ITGB6: variants seen among roughly 807,000 people sequenced by gnomAD.
ITGB6 encodes the protein integrin subunit beta 6, also known as integrin beta-6.
A neutral mutation model predicts 84.5 loss-of-function variants in ITGB6; 80 were observed. That is an observed-to-expected ratio of 0.95 (90% CI 0.79 to 1.14). ITGB6 has a LOEUF of 1.14. Among genes scored for constraint, ITGB6 ranks in the 50% most tolerant of loss-of-function variants. The pLI is 0.00. For missense variants in ITGB6, 1,006 were observed against 968.0 expected, an observed-to-expected ratio of 1.04 and a Z score of -0.52; for synonymous variants, 383 against 354.9, an observed-to-expected ratio of 1.08 and a Z score of -0.89.
intron 13 of ITGB6, 53 bp from the exon 14 acceptor site, chr2:160,107,898 C>A (rs949371613): frequency 7.0e-7 from 1 of 1,434,824 alleles, no homozygotes; most frequent in Non-Finnish European, 9.6e-7. Context: ...ATTTTGACAT[C>A]GGAAAGGCAT....
chr2:160,132,866 G>T (rs752015923), intron 10 of ITGB6, among the ~76,000 whole-genome samples: 1 of 151,920 alleles, frequency 6.6e-6, no homozygotes, highest in Non-Finnish European at 1.5e-5. Context: ...AAGATATTCC[G>T]AGTAATTTTC....
intron 10 of ITGB6, among the ~76,000 whole-genome samples, chr2:160,133,278 A>G (rs963015625): frequency 1.3e-5 from 2 of 152,184 alleles, no homozygotes; most frequent in African/African-American, 4.8e-5. Flanking sequence ...CTCTGATAAA[A>G]CAGACTTTAA....
chr2:160,133,779 C>A (rs183455879), intron 10 of ITGB6, among the ~76,000 whole-genome samples: 144 of 152,204 alleles, frequency 9.5e-4, no homozygotes, highest in Non-Finnish European at 1.7e-3. Flanking sequence ...CTACATGGAA[C>A]CTGAACAACC....
intron 6 of ITGB6, among the ~76,000 whole-genome samples, chr2:160,169,841 T>C (rs1271725723): frequency 6.6e-6 from 1 of 152,246 alleles, no homozygotes; most frequent in Non-Finnish European, 1.5e-5. Flanking sequence ...ACTGCCATTT[T>C]AATATCACAA....
chr2:160,127,021 C>T (rs1168610831), intron 10 of ITGB6, among the ~76,000 whole-genome samples: 1 of 152,166 alleles, frequency 6.6e-6, no homozygotes, highest in Non-Finnish European at 1.5e-5. Flanking sequence ...AGCTGACCAA[C>T]ATTAACAAGA....
chr2:160,126,319 T>C, intron 11 of ITGB6, 60 bp downstream of exon 11: 6 of 1,490,638 alleles, frequency 4.0e-6, no homozygotes, highest in African/African-American at 1.4e-5. Flanking sequence ...AAAATGCCAC[T>C]GTAAGTTTGA....
intron 7 of ITGB6, among the ~76,000 whole-genome samples, chr2:160,147,965 T>C (rs748165558): frequency 2.0e-5 from 3 of 152,210 alleles, no homozygotes; most frequent in Non-Finnish European, 4.4e-5. Context: ...AAAAAATTGG[T>C]AAGCTGGACT....
At chr2:160,132,702 T>C (rs1337826563) in intron 10 of ITGB6, among the ~76,000 whole-genome samples, 1 of 152,134 alleles carries the variant, frequency 6.6e-6, no homozygotes, top group Non-Finnish European at 1.5e-5. Flanking sequence ...AATTCTTTTC[T>C]GAATAGATTA....
At chr2:160,136,906 T>A (rs1418761852) in intron 10 of ITGB6, among the ~76,000 whole-genome samples, 2 of 77,410 alleles carry the variant, frequency 2.6e-5, no homozygotes, top group African/African-American at 5.1e-5. Flanking sequence ...TGTTGTGGGG[T>A]GGGGGGAAGG....
intron 13 of ITGB6, among the ~76,000 whole-genome samples, chr2:160,108,214 AGT>A (rs57363305): frequency 0.07 from 9,956 of 142,678 alleles, 342 homozygotes; most frequent in Middle Eastern, 0.15. Flanking sequence ...GCAGAAATGG[AGT>A]GTGTGTGTGT....
At chr2:160,172,454 T>G in intron 6 of ITGB6, 115 bp downstream of exon 6, 1 of 1,026,860 alleles carries the variant, frequency 9.7e-7, no homozygotes, top group Non-Finnish European at 1.4e-6. Context: ...AATCCCACAT[T>G]AGAAAATGTG....
chr2:160,160,325 A>G lies in ITGB6; in HGVS notation c.1017+8887T>C, dbSNP rs934054376. 2.6e-5 allele frequency among the ~76,000 whole-genome samples: 4 copies of G among 152,234 alleles called. 1 individual carries two copies. Among genetic ancestry groups the G allele is most frequent in the Non-Finnish European group, 2.9e-5 (2 of 68,034 alleles). ...ATATTGCATGGGACATATTTATACT[A>G]ATAATTATTTGTTGCTTACTTGACA... On this transcript the variant is annotated intron_variant, in intron 7 of 14. Transcript: ENST00000283249.
At chr2:160,198,221 T>A (rs1686417780) in intron 2 of ITGB6, among the ~76,000 whole-genome samples, 1 of 152,084 alleles carries the variant, frequency 6.6e-6, no homozygotes, top group Non-Finnish European at 1.5e-5. Context: ...TTCTCTTGAA[T>A]TTTTTTTGTG....
intron 4 of ITGB6, among the ~76,000 whole-genome samples, chr2:160,188,660 G>C (rs138407538): frequency 6.7e-6 from 1 of 150,192 alleles, no homozygotes; most frequent in Non-Finnish European, 1.5e-5. Flanking sequence ...CTAGAGTACT[G>C]TGGCTCAGTC....
chr2:160,136,674 G>A lies in ITGB6; in HGVS notation c.1660+760C>T, dbSNP rs577341725. 2.6e-5 allele frequency among the ~76,000 whole-genome samples: 4 copies of A among 152,294 alleles called. No individual in the cohort carries two copies. In the East Asian group the frequency reaches 5.8e-4, roughly 22 times the overall value. On this transcript the variant is annotated intron_variant, in intron 10 of 14. Coordinates refer to ENST00000283249, the MANE Select transcript of ITGB6 (RefSeq NM_000888.5). ...CCCAAATGTCCAACAATGATAGATT[G>A]GATTAAGAAAATGTGGCACATATAC...
chr2:160,179,218 C>A (rs529796456), intron 4 of ITGB6, among the ~76,000 whole-genome samples: 20 of 151,622 alleles, frequency 1.3e-4, no homozygotes, highest in African/African-American at 4.6e-4. Flanking sequence ...GTATTAATAT[C>A]GTCTTTTCCT....
At chr2:160,168,584 G>A (rs1393290258) in intron 7 of ITGB6, among the ~76,000 whole-genome samples, 2 of 152,090 alleles carry the variant, frequency 1.3e-5, no homozygotes, top group Admixed American at 6.6e-5. Flanking sequence ...TGCATATATC[G>A]TATTTTTTTG....
intron 12 of ITGB6, among the ~76,000 whole-genome samples, chr2:160,115,960 G>C (rs1682746270): frequency 6.7e-6 from 1 of 148,528 alleles, no homozygotes; most frequent in Non-Finnish European, 1.5e-5. Context: ...GAAGTTTAGA[G>C]AAAAAAGAAT....
chr2:160,184,593 A>G (rs931978331), intron 4 of ITGB6, among the ~76,000 whole-genome samples: 1 of 152,248 alleles, frequency 6.6e-6, no homozygotes, highest in Non-Finnish European at 1.5e-5. Context: ...TATTCCAAAC[A>G]ATAGAAAAAG....
Sources: gnomAD v4.1 joint callset for allele counts (sites outside exome capture counted in the v4.1 genomes callset) on GRCh38, gnomAD v4.1.1 for gene constraint, MANE v1.5 for transcripts, NCBI Gene and HGNC (gene_info 2026-07-23, HGNC 2026-07-21) for gene names.